The following SFXN2 variants were observed in gnomAD, a reference collection of about 807,000 sequenced individuals.
SFXN2 encodes the protein sideroflexin 2, also known as sideroflexin-2.
Under a neutral mutation model 41.9 loss-of-function variants are expected in SFXN2, and 37 were observed. The ratio of observed to expected loss-of-function variants is 0.88; its 90% CI spans 0.68 to 1.16. The LOEUF (loss-of-function observed/expected upper bound fraction) is 1.16. Among genes scored for constraint, SFXN2 ranks in the 50% most tolerant of loss-of-function variants. The pLI is 0.00. For synonymous variants in SFXN2, 150 were observed against 156.7 expected (o/e 0.96, Z 0.32); for missense variants, 386 against 425.2 (o/e 0.91, Z 0.81).
rs756980789 is a variant in SFXN2 at position 102,727,035 on chromosome 10, C to G, written c.210C>G (p.Ala70=). The part of the protein sequence containing the change: ...PGTQVEQLLY[A]KKLYDSAFHP... Reference sequence around the variant, plus strand: ...CCCAAGTGGAGCAGCTGCTGTATGCCAAGAAGCTGTATGACTCGGCCTTCC... The same window carrying G: ...CCCAAGTGGAGCAGCTGCTGTATGCGAAGAAGCTGTATGACTCGGCCTTCC... The change falls in exon 3 of 12, where the codon GCC becomes GCG. Residue 70 remains alanine (A), a synonymous_variant. Coordinates refer to ENST00000369893, the MANE Select transcript of SFXN2 (RefSeq NM_178858.6). 1.9e-6 allele frequency: 3 copies of G among 1,607,618 alleles called. No homozygotes were observed. The Admixed American group carries it at 5.0e-5, about 27-fold the overall frequency.
chr10:102,719,656 TA>T (rs1300367368), intron 1 of SFXN2, among the ~76,000 whole-genome samples: 2 of 152,244 alleles, frequency 1.3e-5, no homozygotes, highest in Non-Finnish European at 2.9e-5. Context: ...TTTTTCCTTC[TA>T]GCTCTGACCT....
chr10:102,723,620 A>G (rs1043439172), intron 1 of SFXN2, among the ~76,000 whole-genome samples: 1 of 152,096 alleles, frequency 6.6e-6, no homozygotes, highest in Non-Finnish European at 1.5e-5. Context: ...AAGATATGGG[A>G]TAGGTGGAAA....
In SFXN2 at chr10:102,717,124, C is replaced by CTTT. The variant is rs55839661; in HGVS notation, c.-26+2463_-26+2465dup. ...CTTCAGGCTATGACATTCTCTCTCT[C>CTTT]TTTTTTTTTTTTTTTTTTTTTTGTG... On this transcript the variant is annotated intron_variant, in intron 1 of 11. Coordinates refer to ENST00000369893, the MANE Select transcript of SFXN2 (RefSeq NM_178858.6). 7.4e-3 allele frequency among the ~76,000 whole-genome samples: 720 copies of CTTT among 97,202 alleles called. 3 individuals carry two copies. Among genetic ancestry groups the CTTT allele is most frequent in the Middle Eastern group, 8.5e-3 (1 of 118 alleles). 63.8% of individuals were successfully genotyped at this position (97,202 alleles called of 152,430 possible). A position where few individuals can be genotyped will look rare whatever the true frequency, so the allele number is the denominator to read the frequency against.
intron 4 of SFXN2, 150 bp from the exon 5 acceptor site, chr10:102,729,169 G>A: frequency 1.5e-6 from 1 of 676,512 alleles, no homozygotes; most frequent in Admixed American, 2.7e-5. Context: ...CACTGTGAGT[G>A]AGGGGGAGAG....
chr10:102,730,359 T>G (rs955634932), intron 6 of SFXN2, among the ~76,000 whole-genome samples: 6 of 152,220 alleles, frequency 3.9e-5, no homozygotes, highest in African/African-American at 1.4e-4. Flanking sequence ...TGATGTAATA[T>G]ATGTAAAGCA....
intron 1 of SFXN2, 128 bp from the exon 2 acceptor site, chr10:102,726,484 T>C: frequency 1.1e-6 from 1 of 949,252 alleles, no homozygotes; most frequent in Non-Finnish European, 1.6e-6. Context: ...ACTTGGGCCC[T>C]CCCAAGCTGA....
chr10:102,720,276 A>G (rs1174087163), intron 1 of SFXN2, among the ~76,000 whole-genome samples: 1 of 125,876 alleles, frequency 7.9e-6, no homozygotes, highest in Non-Finnish European at 1.6e-5. Flanking sequence ...TGGGTGACAG[A>G]GCAAGACTCC....
At chr10:102,717,914 A>C (rs1021472507) in intron 1 of SFXN2, 1 of 509,598 alleles carries the variant, frequency 2.0e-6, no homozygotes, top group Non-Finnish European at 2.5e-6. Context: ...AATGACAAGA[A>C]GGTGACAATC....
chr10:102,732,802 G>T, intron 8 of SFXN2, 57 bp from the exon 9 acceptor site: 1 of 1,581,978 alleles, frequency 6.3e-7, no homozygotes, highest in Non-Finnish European at 8.7e-7. Flanking sequence ...GACTTCAGAA[G>T]GAGTCCTGGG....
At chr10:102,728,693 ATCT>A in intron 4 of SFXN2, 164 bp downstream of exon 4, 1 of 608,652 alleles carries the variant, frequency 1.6e-6, no homozygotes, top group Middle Eastern at 3.3e-4. Flanking sequence ...GTAGGGGTGG[ATCT>A]TCTTCCTAGA....
rs150794933 is a variant in SFXN2 at position 102,740,356 on chromosome 10, C to T, written c.*2594C>T. On this transcript the variant is annotated 3_prime_UTR_variant, in exon 12 of 12. Coordinates refer to ENST00000369893, the MANE Select transcript of SFXN2 (RefSeq NM_178858.6). ...CAACCTCCTGAGCTCAAGTAATCCT[C>T]CTGCCTCAGCCTCTGGGGTAGCTGG... The T allele has an allele frequency of 6.6e-6, 1 of 152,286 alleles. No individual in the cohort carries two copies. The highest frequency in any genetic ancestry group is 1.5e-5 in the Non-Finnish European group (1 of 68,042). 9.4% of individuals were successfully genotyped at this position (152,286 alleles called of 1,614,324 possible). A position where few individuals can be genotyped will look rare whatever the true frequency, so the allele number is the denominator to read the frequency against.
intron 10 of SFXN2, among the ~76,000 whole-genome samples, chr10:102,733,893 CT>C (rs56875384): frequency 0.97 from 140,870 of 145,518 alleles, 68,206 homozygotes; most frequent in East Asian, 1. Flanking sequence ...TTGTTTTTTG[CT>C]TTTTTTTTTT....
At chr10:102,727,499 T>C (rs1259233669) in intron 3 of SFXN2, among the ~76,000 whole-genome samples, 1 of 152,172 alleles carries the variant, frequency 6.6e-6, no homozygotes, top group Non-Finnish European at 1.5e-5. Flanking sequence ...CTTTAAAAAG[T>C]ACTTATTCCA....
Position 102,737,964 on chromosome 10 carries a change from A to C in SFXN2, c.*202A>C. The C allele has an allele frequency of 2.6e-6, 1 of 388,230 alleles. No homozygotes were observed. The highest frequency in any genetic ancestry group is 4.7e-6 in the Non-Finnish European group (1 of 211,684). 24.0% of individuals were successfully genotyped at this position (388,230 alleles called of 1,614,324 possible). On this transcript the variant is annotated 3_prime_UTR_variant, in exon 12 of 12. Transcript: ENST00000369893. ...GGGGAAAAAAGTGAAAAAGGGTAGC[A>C]AAGGCCAATGTCTTCTAGCTGCTTC...
At chr10:102,730,296 T>G (rs2064681902) in intron 6 of SFXN2, among the ~76,000 whole-genome samples, 1 of 152,246 alleles carries the variant, frequency 6.6e-6, no homozygotes, top group Non-Finnish European at 1.5e-5. Flanking sequence ...AAACTCATTG[T>G]GTCTCACAGT....
intron 9 of SFXN2, among the ~76,000 whole-genome samples, 196 bp downstream of exon 9, chr10:102,733,104 G>A (rs920262810): frequency 6.6e-6 from 1 of 152,102 alleles, no homozygotes; most frequent in African/African-American, 2.4e-5. Flanking sequence ...CTGGTCTGCA[G>A]AGAACAAGGC....
Position 102,728,442 on chromosome 10 carries a change from C to T in SFXN2, c.344C>T (p.Ala115Val), listed in dbSNP as rs187318251. The T allele has an allele frequency of 2.7e-4, 443 of 1,614,030 alleles. 4 individuals carry two copies. The African/African-American group carries it at 5.4e-3, about 20-fold the overall frequency. The change falls in exon 4 of 12, where the codon GCG (alanine) becomes GTG (valine). Residue 115 changes from alanine to valine, a missense_variant. Ala to Val is a moderately conservative substitution (Grantham distance 64, BLOSUM62 0). Coordinates refer to ENST00000369893, the MANE Select transcript of SFXN2 (RefSeq NM_178858.6). ...TTCCTCACTGGTAGGACGATGCCGG[C>T]GGTGATCTTCTGGCAGTGGGTGAAC... Reference protein sequence around the residue: ...FMLQFYRTMPAVIFWQWVNQS... With the variant: ...FMLQFYRTMPVVIFWQWVNQS...
intron 7 of SFXN2, 128 bp downstream of exon 7, chr10:102,731,911 A>G (rs1029004733): frequency 3.2e-5 from 27 of 849,964 alleles, no homozygotes; most frequent in East Asian, 7.7e-5. Context: ...CTCACTCCCT[A>G]TCAAATTTTC....
chr10:102,740,470 C>T lies in SFXN2; in HGVS notation c.*2708C>T, dbSNP rs1352361681. 4 of 152,276 alleles carry T rather than the reference C, an allele frequency of 2.6e-5. No homozygotes were observed. The highest frequency in any genetic ancestry group is 2.0e-4 in the Admixed American group (3 of 15,284). The allele number at this position is 152,276 out of a possible 1,614,324, so 9.4% of individuals were successfully genotyped here. On this transcript the variant is annotated 3_prime_UTR_variant, in exon 12 of 12. Coordinates refer to ENST00000369893, the MANE Select transcript of SFXN2 (RefSeq NM_178858.6). Reference sequence around the variant, plus strand: ...CTCATGGCCTCAAGTGATCCTCCTCCCTCAGCCTTCCAAAGTGTTGGAATT... The same window carrying T: ...CTCATGGCCTCAAGTGATCCTCCTCTCTCAGCCTTCCAAAGTGTTGGAATT...
Sources: gnomAD v4.1 joint callset for allele counts (sites outside exome capture counted in the v4.1 genomes callset) on GRCh38, gnomAD v4.1.1 for gene constraint, MANE v1.5 for transcripts, NCBI Gene and HGNC (gene_info 2026-07-23, HGNC 2026-07-21) for gene names.